The following ASB18 variants were observed in gnomAD, a reference collection of about 807,000 sequenced individuals.
ASB18 encodes ankyrin repeat and SOCS box containing 18.
ASB18 carries 33 observed loss-of-function variants against 33.4 expected under a neutral mutation model. That is an observed-to-expected ratio of 0.99 (90% CI 0.75 to 1.32). The LOEUF (loss-of-function observed/expected upper bound fraction) is 1.32, where lower values mean the gene tolerates loss of function less well. ASB18 is among the 40% of genes most tolerant of loss of function. The probability of loss-of-function intolerance (pLI) is 0.00; values close to 1 mark genes in which losing one functional copy is unlikely to be tolerated. For synonymous variants in ASB18, 295 were observed against 307.6 expected (o/e 0.96, Z 0.43); for missense variants, 694 against 655.5 (o/e 1.06, Z -0.64).
chr2:236,261,274 T>A (rs1452805591), intron 1 of ASB18, among the ~76,000 whole-genome samples: 3 of 152,202 alleles, frequency 2.0e-5, no homozygotes, highest in Non-Finnish European at 4.4e-5. Context: ...TTTCCTCTCA[T>A]CTTTGTTACT....
chr2:236,208,627 C>T lies in ASB18; in HGVS notation c.1101+5735G>A, dbSNP rs1277041884. Among the ~76,000 whole-genome samples the T allele has an allele frequency of 6.6e-6, 1 of 152,156 alleles. No homozygotes were observed. Among genetic ancestry groups the T allele is most frequent in the African/African-American group, 2.4e-5 (1 of 41,432 alleles). On this transcript the variant is annotated intron_variant, in intron 4 of 5. Transcript: ENST00000409749. This position sits in a 1 kb window ranked among gnomAD's most constrained non-coding sequence, Gnocchi z 7.7. ...GCACCACCTCCTCCCGCCCCTCCCCCACCGGGTCACAGACTGTGACAGAGT... is the reference window on the plus strand; with the variant it reads ...GCACCACCTCCTCCCGCCCCTCCCCTACCGGGTCACAGACTGTGACAGAGT...
At chr2:236,198,198 T>A (rs1043054259) in intron 4 of ASB18, among the ~76,000 whole-genome samples, 62 of 152,192 alleles carry the variant, frequency 4.1e-4, no homozygotes, top group African/African-American at 1.5e-3. Flanking sequence ...AAAATTCATA[T>A]TCCTCTGGCT....
chr2:236,219,587 C>T lies in ASB18; in HGVS notation c.597-4721G>A, dbSNP rs745463945. 7.9e-5 allele frequency among the ~76,000 whole-genome samples: 12 copies of T among 152,186 alleles called. No homozygotes were observed. The highest frequency in any genetic ancestry group is 1.5e-4 in the Non-Finnish European group (10 of 68,040). On this transcript the variant is annotated intron_variant, in intron 3 of 5. Coordinates refer to ENST00000409749, the MANE Select transcript of ASB18 (RefSeq NM_212556.4). This position sits in a 1 kb window ranked among gnomAD's most constrained non-coding sequence, Gnocchi z 6.4. ...AGGACCCAGGCCCATCCTTGAAACA[C>T]TATCATTTCAATCCCTCCTATCAAC... is the stretch of plus-strand genomic sequence containing the variant.
Position 236,241,450 on chromosome 2 carries a change from G to C in ASB18, c.206-48C>G. ...CTCCTGCACCGGGGACCCTGCTCTA[G>C]CTTGAGGATCCTTCTCTGTCTTTTG... On this transcript the variant is annotated intron_variant, in intron 1 of 5. Coordinates refer to ENST00000409749, the MANE Select transcript of ASB18 (RefSeq NM_212556.4). This position sits in a 1 kb window ranked among gnomAD's most constrained non-coding sequence, Gnocchi z 4.2. 6.2e-7 allele frequency: 1 copy of C among 1,611,288 alleles called. No homozygotes were observed. The highest frequency in any genetic ancestry group is 8.5e-7 in the Non-Finnish European group (1 of 1,177,936).
At position 236,214,302 on chromosome 2, in the gene ASB18, G is replaced by T. The variant is rs938822243; in HGVS notation, c.1101+60C>A. ...GCGCCGCATGCAACCCAGCTCCCAG[G>T]CCGGTCACTAAGTGGCAAAACTCCA... On this transcript the variant is annotated intron_variant, in intron 4 of 5. Transcript: ENST00000409749. This position sits in a 1 kb window ranked among gnomAD's most constrained non-coding sequence, Gnocchi z 6.5. 15 of 1,517,888 alleles carry T rather than the reference G, an allele frequency of 9.9e-6. No homozygotes were observed. Among genetic ancestry groups the T allele is most frequent in the African/African-American group, 1.4e-5 (1 of 71,328 alleles). The allele number at this position is 1,517,888 out of a possible 1,614,324, so 94.0% of individuals were successfully genotyped here. A position where few individuals can be genotyped will look rare whatever the true frequency, so the allele number is the denominator to read the frequency against.
At position 236,249,490 on chromosome 2, in the gene ASB18, T is replaced by A. The variant is rs189322121; in HGVS notation, c.206-8088A>T. The A allele has an allele frequency of 9.2e-5, 14 of 152,238 alleles. No individual in the cohort carries two copies. Among genetic ancestry groups the A allele is most frequent in the Non-Finnish European group, 2.1e-4 (14 of 68,078 alleles). 9.4% of individuals were successfully genotyped at this position (152,238 alleles called of 1,614,324 possible). ...CAGCCATGGAAATCCTCCCCCTTTT[T>A]TCTTCAGTGTTGTTCTGTGCACTGC... On this transcript the variant is annotated intron_variant, in intron 1 of 5. Transcript: ENST00000409749. This position sits in a 1 kb window ranked among gnomAD's most constrained non-coding sequence, Gnocchi z 4.6.
rs1166989848 is a variant in ASB18 at position 236,256,201 on chromosome 2, AT to A, written c.205+7939del. 1.3e-5 allele frequency among the ~76,000 whole-genome samples: 2 copies of A among 151,870 alleles called. No individual in the cohort carries two copies. The highest frequency in any genetic ancestry group is 1.3e-4 in the Admixed American group (2 of 15,252). On this transcript the variant is annotated intron_variant, in intron 1 of 5. Transcript: ENST00000409749. This position sits in a 1 kb window ranked among gnomAD's most constrained non-coding sequence, Gnocchi z 4.7. ...CCATCATGCCCAGGCTAATTGGTGT[AT>A]TTTTTGTAGAGATAGAGTCTTGCCA...
rs1265778551 is a variant in ASB18, at chr2:236,249,863, A to C, written c.206-8461T>G. 6 of 152,320 alleles carry C rather than the reference A, an allele frequency of 3.9e-5. No individual in the cohort carries two copies. The highest frequency in any genetic ancestry group is 1.4e-4 in the African/African-American group (6 of 41,564). The allele number at this position is 152,320 out of a possible 1,614,324, so 9.4% of individuals were successfully genotyped here. A position where few individuals can be genotyped will look rare whatever the true frequency, so the allele number is the denominator to read the frequency against. ...AGACTGAATTTCTCTAATACTAGCC[A>C]GGTAGTCAACTGGATTAAAATATAC... On this transcript the variant is annotated intron_variant, in intron 1 of 5. Coordinates refer to ENST00000409749, the MANE Select transcript of ASB18 (RefSeq NM_212556.4). The surrounding 1 kb of genome is among the most constrained non-coding windows in gnomAD (Gnocchi z 4.6).
rs10166170 is a variant in ASB18, at chr2:236,193,971, T to C, written c.*901A>G. On this transcript the variant is annotated 3_prime_UTR_variant, in exon 6 of 6. Transcript: ENST00000409749. This position sits in a 1 kb window ranked among gnomAD's most constrained non-coding sequence, Gnocchi z 5.0. Reference sequence around the variant, plus strand: ...GGTGTGTGAGCACCCTGCGATGGAATAGCACCCCGTCCAGGCCTGGTTCCT... The same window carrying C: ...GGTGTGTGAGCACCCTGCGATGGAACAGCACCCCGTCCAGGCCTGGTTCCT... Among the ~76,000 whole-genome samples, 1,429 of 152,186 alleles carry C rather than the reference T, an allele frequency of 9.4e-3. 23 individuals carry two copies. The highest frequency in any genetic ancestry group is 0.032 in the African/African-American group (1,344 of 41,514).
At chr2:236,224,185 GTTTTTTTTTTTTTTT>G (rs1161648778) in intron 3 of ASB18, among the ~76,000 whole-genome samples, 1 of 66,772 alleles carries the variant, frequency 1.5e-5, no homozygotes, top group Admixed American at 1.8e-4. Context: ...GTGTTGTCAG[GTTTTTTTTTTTTTTT>G]TTTTTTTTTT....
At chr2:236,218,156 T>G (rs2060496228) in intron 3 of ASB18, among the ~76,000 whole-genome samples, 1 of 152,226 alleles carries the variant, frequency 6.6e-6, no homozygotes, top group East Asian at 1.9e-4. Flanking sequence ...GGCTGCTATC[T>G]GCAACACAGA....
Position 236,237,137 on chromosome 2 carries a change from G to A in ASB18, c.596+552C>T, listed in dbSNP as rs111703404. Among the ~76,000 whole-genome samples the A allele has an allele frequency of 5.6e-3, 851 of 151,818 alleles. 7 individuals are homozygous for A. The highest frequency in any genetic ancestry group is 7.9e-3 in the Non-Finnish European group (534 of 67,926). ...CCGAGCGGGCCTGGAAGCCCCGCCC[G>A]AGGAGCTAACCATTTATGTCACACT... is the stretch of plus-strand genomic sequence containing the variant. On this transcript the variant is annotated intron_variant, in intron 3 of 5. Transcript: ENST00000409749. The surrounding 1 kb of genome is among the most constrained non-coding windows in gnomAD (Gnocchi z 6.2).
rs949509358 is a variant in ASB18 at position 236,262,061 on chromosome 2, C to T, written c.205+2080G>A. Among the ~76,000 whole-genome samples the T allele has an allele frequency of 6.6e-6, 1 of 152,180 alleles. No homozygotes were observed. The highest frequency in any genetic ancestry group is 1.5e-5 in the Non-Finnish European group (1 of 68,034). ...AACCATATCAGTATGTAATTTATAACTGTGGAAGGAATGTAACTTTCTTAT... is the reference window on the plus strand; with the variant it reads ...AACCATATCAGTATGTAATTTATAATTGTGGAAGGAATGTAACTTTCTTAT... On this transcript the variant is annotated intron_variant, in intron 1 of 5. Transcript: ENST00000409749. The surrounding 1 kb of genome is among the most constrained non-coding windows in gnomAD (Gnocchi z 5.2).
In ASB18 at chr2:236,237,664, C is replaced by T. The variant is rs754985611; in HGVS notation, c.596+25G>A. The T allele has an allele frequency of 2.9e-6, 4 of 1,384,046 alleles. No homozygotes were observed. The highest frequency in any genetic ancestry group is 3.2e-5 in the South Asian group (2 of 63,196). The allele number at this position is 1,384,046 out of a possible 1,614,324, so 85.7% of individuals were successfully genotyped here. A position where few individuals can be genotyped will look rare whatever the true frequency, so the allele number is the denominator to read the frequency against. On this transcript the variant is annotated intron_variant, in intron 3 of 5. Coordinates refer to ENST00000409749, the MANE Select transcript of ASB18 (RefSeq NM_212556.4). This position sits in a 1 kb window ranked among gnomAD's most constrained non-coding sequence, Gnocchi z 6.2. Reference sequence around the variant, plus strand: ...TCTGGTCTCGGGGCGGGGCGGACGCCGCGGGCCTGTCCCGAGGTCCTTACC... The same window carrying T: ...TCTGGTCTCGGGGCGGGGCGGACGCTGCGGGCCTGTCCCGAGGTCCTTACC...
intron 3 of ASB18, among the ~76,000 whole-genome samples, chr2:236,232,537 T>C (rs2060570763): frequency 6.6e-6 from 1 of 151,588 alleles, no homozygotes. Flanking sequence ...AGAAAAACAA[T>C]GAAACCAAAA....
intron 1 of ASB18, among the ~76,000 whole-genome samples, chr2:236,242,628 T>G (rs1223596661): frequency 2.0e-5 from 3 of 152,134 alleles, no homozygotes; most frequent in Non-Finnish European, 4.4e-5. Context: ...CCTGCTAATT[T>G]TTTTTTAAAT....
chr2:236,260,478 G>A lies in ASB18; in HGVS notation c.205+3663C>T, dbSNP rs1419665633. On this transcript the variant is annotated intron_variant, in intron 1 of 5. Transcript: ENST00000409749. This position sits in a 1 kb window ranked among gnomAD's most constrained non-coding sequence, Gnocchi z 5.1. ...TTCAAAAATTGTAAAGACCCTACATGTAGCTTAGAATCCAAACAGCTCTTT... is the reference window on the plus strand; with the variant it reads ...TTCAAAAATTGTAAAGACCCTACATATAGCTTAGAATCCAAACAGCTCTTT... 6.6e-6 allele frequency among the ~76,000 whole-genome samples: 1 copy of A among 151,614 alleles called. No homozygotes were observed. Among genetic ancestry groups the A allele is most frequent in the Non-Finnish European group, 1.5e-5 (1 of 68,030 alleles).
At position 236,223,260 on chromosome 2, in the gene ASB18, C is replaced by T. The variant is rs1228406741; in HGVS notation, c.597-8394G>A. Among the ~76,000 whole-genome samples the T allele has an allele frequency of 1.3e-5, 2 of 152,216 alleles. No individual in the cohort carries two copies. The highest frequency in any genetic ancestry group is 2.9e-5 in the Non-Finnish European group (2 of 68,044). On this transcript the variant is annotated intron_variant, in intron 3 of 5. Transcript: ENST00000409749. The surrounding 1 kb of genome is among the most constrained non-coding windows in gnomAD (Gnocchi z 4.6). ...TGCAAGAATGGCCTAATACACTTCA[C>T]ATGCCCACTAAGCAGCATTTGACTT...
At position 236,195,391 on chromosome 2, in the gene ASB18, A is replaced by G. The variant is rs1025240041; in HGVS notation, c.1216-334T>C. ...GTGGCCCTGTTCATCTCCCCAAGTC[A>G]TGACCAGCTCTTCCCTTCTGCCAGG... On this transcript the variant is annotated intron_variant, in intron 5 of 5. Transcript: ENST00000409749. The surrounding 1 kb of genome is among the most constrained non-coding windows in gnomAD (Gnocchi z 5.5). Among the ~76,000 whole-genome samples, 2 of 152,092 alleles carry G rather than the reference A, an allele frequency of 1.3e-5. No individual in the cohort carries two copies. Among genetic ancestry groups the G allele is most frequent in the Non-Finnish European group, 2.9e-5 (2 of 68,014 alleles).
Sources: allele counts gnomAD v4.1 joint callset (sites outside exome capture counted in the v4.1 genomes callset), GRCh38; gene constraint gnomAD v4.1.1; non-coding constraint Gnocchi (gnomAD v3.1); transcripts MANE v1.5; gene names NCBI Gene and HGNC (gene_info 2026-07-23, HGNC 2026-07-21).